CEP192: variants seen among roughly 807,000 people sequenced by gnomAD.
CEP192 encodes the protein centrosomal protein 192, also known as centrosomal protein of 192 kDa.
Under a neutral mutation model 271.8 loss-of-function variants are expected in CEP192, and 151 were observed. The observed-to-expected ratio is 0.56, with a 90% confidence interval of 0.49 to 0.64. CEP192 has a LOEUF of 0.64. Among genes scored for constraint, CEP192 ranks in the 30% least tolerant of loss-of-function variants. The pLI is 0.00. For missense variants in CEP192, 2,910 were observed against 3,020.5 expected (o/e 0.96, Z 0.86); for synonymous variants, 995 against 1,076.5 (o/e 0.92, Z 1.48).
chr18:13,117,913 A>T (rs889236654), intron 44 of CEP192, among the ~76,000 whole-genome samples: 1 of 152,202 alleles, frequency 6.6e-6, no homozygotes, highest in Middle Eastern at 3.2e-3. Flanking sequence ...CAGCCACATA[A>T]ATCTTAGAGC....
chr18:13,050,648 T>C (rs1313753272), intron 17 of CEP192, among the ~76,000 whole-genome samples: 1 of 151,872 alleles, frequency 6.6e-6, no homozygotes, highest in Non-Finnish European at 1.5e-5. Context: ...GGTGTGATCT[T>C]GGCTCACTAC....
At chr18:13,065,539 A>G (rs1018732895) in intron 21 of CEP192, among the ~76,000 whole-genome samples, 3 of 152,236 alleles carry the variant, frequency 2.0e-5, no homozygotes, top group African/African-American at 7.2e-5. Context: ...AAAGAACTAA[A>G]CTAGAATCCA....
chr18:13,080,039 G>C (rs1437791450), intron 30 of CEP192, among the ~76,000 whole-genome samples: 17 of 151,978 alleles, frequency 1.1e-4, no homozygotes, highest in African/African-American at 3.4e-4. Context: ...GTTACTGTAG[G>C]CTTGTAGTAT....
At chr18:13,121,997 A>C (rs2040683628) in intron 44 of CEP192, among the ~76,000 whole-genome samples, 1 of 152,250 alleles carries the variant, frequency 6.6e-6, no homozygotes, top group Non-Finnish European at 1.5e-5. Flanking sequence ...TCCTTTAAAA[A>C]AATGTTTTGG....
intron 12 of CEP192, 125 bp downstream of exon 12, chr18:13,037,426 C>G: frequency 2.0e-6 from 1 of 494,958 alleles, no homozygotes; most frequent in Non-Finnish European, 3.5e-6. Flanking sequence ...TTTCTTATGG[C>G]TAGACAACTT....
In CEP192 at chr18:13,087,619, A is replaced by G; in HGVS notation, c.5966A>G (p.Asp1989Gly). Residue 1989 changes from aspartate to glycine, a missense_variant, in exon 32 of 45, where the codon GAT becomes GGT. Transcript: ENST00000506447. ...ELSTVYLFGG[D>G]EISRQQYRRA... is the part of the protein sequence containing the mutation. ...TCAACTGTATACTTATTTGGTGGAG[A>G]TGAAATTTCAAGACAGCAGTATCGC... 6.4e-7 allele frequency: 1 copy of G among 1,569,740 alleles called. No homozygotes were observed. Among genetic ancestry groups the G allele is most frequent in the Non-Finnish European group, 8.7e-7 (1 of 1,155,750 alleles).
chr18:13,034,793 TA>T (rs2035825709), intron 11 of CEP192, among the ~76,000 whole-genome samples: 1 of 138,434 alleles, frequency 7.2e-6, no homozygotes. Context: ...CCCTCCAGAC[TA>T]GGCGACAGAG....
chr18:13,074,520 CAAGG>C (rs1697805751), intron 30 of CEP192, among the ~76,000 whole-genome samples: 1 of 152,138 alleles, frequency 6.6e-6, no homozygotes, highest in African/African-American at 2.4e-5. Flanking sequence ...AGGTTGTTCT[CAAGG>C]AAGAATCTCT....
At chr18:13,052,397 T>A (rs2144057108) in intron 17 of CEP192, among the ~76,000 whole-genome samples, 1 of 152,338 alleles carries the variant, frequency 6.6e-6, no homozygotes, top group South Asian at 2.1e-4. Context: ...CATGTCCTTT[T>A]TGTGAAGTCT....
At chr18:13,010,039 G>C (rs2034243539) in intron 4 of CEP192, among the ~76,000 whole-genome samples, 1 of 150,666 alleles carries the variant, frequency 6.6e-6, no homozygotes, top group Non-Finnish European at 1.5e-5. Context: ...TGCGCCTTTA[G>C]TCCCAGCTAC....
rs1010263794 is a variant in CEP192, at chr18:13,124,554, G to T, written c.7476-78G>T. The T allele has an allele frequency of 2.2e-6, 3 of 1,380,308 alleles. No individual in the cohort carries two copies. In the East Asian group the frequency reaches 7.0e-5, roughly 32 times the overall value. 85.5% of individuals were successfully genotyped at this position (1,380,308 alleles called of 1,614,324 possible). On this transcript the variant is annotated intron_variant, in intron 44 of 44. Coordinates refer to ENST00000506447, the MANE Select transcript of CEP192 (RefSeq NM_032142.4). Reference sequence around the variant, plus strand: ...ACCGAGCTCTTTCCTCAACACCTGAGCCAGGCACTGTGCTGCCTGGGACAG... The same window carrying T: ...ACCGAGCTCTTTCCTCAACACCTGATCCAGGCACTGTGCTGCCTGGGACAG...
At chr18:13,008,676 T>C (rs1216726192) in intron 4 of CEP192, 45 bp downstream of exon 4, 4 of 1,414,882 alleles carry the variant, frequency 2.8e-6, no homozygotes, top group Non-Finnish European at 3.8e-6. Context: ...ATGTTTTAAT[T>C]TCCTTTTTCA....
At chr18:13,022,695 A>C (rs2035062745) in intron 9 of CEP192, among the ~76,000 whole-genome samples, 1 of 152,150 alleles carries the variant, frequency 6.6e-6, no homozygotes, top group Non-Finnish European at 1.5e-5. Context: ...TAATCTTTAG[A>C]ATCAGTTTGT....
chr18:13,097,149 A>G (rs887906109), intron 36 of CEP192, among the ~76,000 whole-genome samples: 2 of 152,196 alleles, frequency 1.3e-5, no homozygotes, highest in Non-Finnish European at 2.9e-5. Flanking sequence ...GCATGCAGCA[A>G]GTGTTTCTCA....
intron 15 of CEP192, among the ~76,000 whole-genome samples, chr18:13,042,705 A>AC (rs2036274102): frequency 2.0e-5 from 3 of 152,190 alleles, no homozygotes; most frequent in Admixed American, 2.0e-4. Flanking sequence ...CTTAAAAGAA[A>AC]CCATGTGGCA....
chr18:12,999,490 T>G lies in CEP192; in HGVS notation c.66T>G (p.Gly22=). 1 of 1,550,684 alleles carries G rather than the reference T, an allele frequency of 6.4e-7. No individual in the cohort carries two copies. Among genetic ancestry groups the G allele is most frequent in the Non-Finnish European group, 8.7e-7 (1 of 1,146,620 alleles). ...GCTTTCTCACCAATTCATTATTTGG[T>G]AACAGTGGGATTTTGGAAAATGTCA... The part of the protein sequence containing the change: ...FPSFLTNSLF[G]NSGILENVTL... Residue 22 remains glycine (G), a synonymous_variant, in exon 2 of 45, where the codon GGT becomes GGG. Coordinates refer to ENST00000506447, the MANE Select transcript of CEP192 (RefSeq NM_032142.4).
chr18:13,112,844 A>G (rs1052977512), intron 40 of CEP192, among the ~76,000 whole-genome samples: 1 of 152,232 alleles, frequency 6.6e-6, no homozygotes, highest in Non-Finnish European at 1.5e-5. Context: ...AGACTCAGGA[A>G]TACTGATTTG....
intron 19 of CEP192, 80 bp from the exon 20 acceptor site, chr18:13,057,505 C>G: frequency 1.3e-6 from 2 of 1,497,664 alleles, no homozygotes; most frequent in Admixed American, 3.6e-5. Flanking sequence ...CTTATAAACT[C>G]ATTGCCATTT....
At position 13,116,396 on chromosome 18, in the gene CEP192, C is replaced by T. The variant is rs745877926; in HGVS notation, c.7309C>T (p.Arg2437Cys). 7.4e-6 allele frequency: 12 copies of T among 1,612,374 alleles called. No homozygotes were observed. The highest frequency in any genetic ancestry group is 3.3e-5 in the South Asian group (3 of 90,424). ...RIPEQLDVTA[R>C]GVYAPEDVYR... ...AAGCAGGCAGCTTGATGTGACTGCT[C>T]GTGGAGTTTATGCCCCAGAGGATGT... Residue 2437 changes from arginine to cysteine, a missense_variant, in exon 43 of 45, where the codon CGT becomes TGT. Transcript: ENST00000506447.
Sources: allele counts gnomAD v4.1 joint callset (sites outside exome capture counted in the v4.1 genomes callset), GRCh38; gene constraint gnomAD v4.1.1; transcripts MANE v1.5; gene names NCBI Gene and HGNC (gene_info 2026-07-23, HGNC 2026-07-21).